Variants in CLCN2 observed in about 807,000 individuals in gnomAD.
The protein encoded by CLCN2 is chloride voltage-gated channel 2.
A neutral mutation model predicts 108.3 loss-of-function variants in CLCN2; 72 were observed. That is an observed-to-expected ratio of 0.66 (90% CI 0.55 to 0.81). The LOEUF (loss-of-function observed/expected upper bound fraction) is 0.81. Ranked by LOEUF, CLCN2 falls within the 30% of genes least tolerant of loss-of-function variation. The pLI is 0.00. For missense variants in CLCN2, 1,048 were observed against 1,205.2 expected (o/e 0.87, Z 1.93); for synonymous variants, 471 against 467.1 (o/e 1.01, Z -0.11).
In CLCN2 at chr3:184,357,956, A is replaced by T; in HGVS notation, c.615+6T>A. On this transcript the variant is annotated splice_donor_region_variant and intron_variant, in intron 5 of 23. Coordinates refer to ENST00000265593, the MANE Select transcript of CLCN2 (RefSeq NM_004366.6). The stretch of plus-strand genomic sequence containing the variant: ...GGGACTCCTTCATTCCCCAGCCTGC[A>T]GTTACCTCTTTGCCAAGCGGCATCC... 6.2e-7 allele frequency: 1 copy of T among 1,613,978 alleles called. No homozygotes were observed. The highest frequency in any genetic ancestry group is 8.5e-7 in the Non-Finnish European group (1 of 1,180,036).
At chr3:184,356,086 C>T in intron 10 of CLCN2, 1 of 412,518 alleles carries the variant, frequency 2.4e-6, no homozygotes, top group Non-Finnish European at 4.6e-6. Context: ...CCACCCTCCA[C>T]CCTCAGAAGC....
chr3:184,353,433 C>T lies in CLCN2; in HGVS notation c.1856-11G>A, dbSNP rs200595019. 10 of 1,599,550 alleles carry T rather than the reference C, an allele frequency of 6.3e-6. No individual in the cohort carries two copies. The highest frequency in any genetic ancestry group is 7.7e-6 in the Non-Finnish European group (9 of 1,172,860). On this transcript the variant is annotated splice_polypyrimidine_tract_variant and intron_variant, in intron 16 of 23. Coordinates refer to ENST00000265593, the MANE Select transcript of CLCN2 (RefSeq NM_004366.6). ...GCAGAATCATGGACTCTGGACAGAA[C>T]AGGTGGAAGGACTCAGGAGCTGAGA...
intron 6 of CLCN2, 27 bp downstream of exon 6, chr3:184,357,752 C>G: frequency 6.2e-7 from 1 of 1,613,978 alleles, no homozygotes; most frequent in Non-Finnish European, 8.5e-7. Context: ...AGCCTCTGCC[C>G]CCTACTTGCC....
At chr3:184,359,220 C>A in intron 1 of CLCN2, 89 bp from the exon 2 acceptor site, 1 of 1,479,210 alleles carries the variant, frequency 6.8e-7, no homozygotes, top group Non-Finnish European at 9.4e-7. Context: ...TCCTCTTCTC[C>A]CAGCCCCCAC....
rs778014861 is a variant in CLCN2 at position 184,346,909 on chromosome 3, A to T, written c.2502+26T>A. The T allele has an allele frequency of 1.2e-6, 2 of 1,611,806 alleles. No individual in the cohort carries two copies. Among genetic ancestry groups the T allele is most frequent in the Admixed American group, 1.7e-5 (1 of 60,030 alleles). The stretch of plus-strand genomic sequence containing the variant: ...CTCCATGACTTTTTGGAAGTGGAGC[A>T]GCTTTGGAGGCCACCATCACCTCAC... On this transcript the variant is annotated intron_variant, in intron 23 of 23. Transcript: ENST00000265593. The surrounding 1 kb of genome is among the most constrained non-coding windows in gnomAD (Gnocchi z 6.0).
rs1357459412 is a variant in CLCN2, at chr3:184,346,670, G to C, written c.2633C>G (p.Pro878Arg). The change falls in exon 24 of 24, where the codon CCC becomes CGC. Residue 878 changes from proline to arginine, a missense_variant. Pro to Arg is a moderately radical substitution (Grantham distance 103, BLOSUM62 -2). Transcript: ENST00000265593. The surrounding 1 kb of genome is among the most constrained non-coding windows in gnomAD (Gnocchi z 6.0). ...ETTEVHALWG[P>R]HSRHGLPREG... The stretch of plus-strand genomic sequence containing the variant: ...CCGGGGGAGGCCATGACGGGAGTGG[G>C]GCCCCCAGAGTGCATGCACCTCAGT... The C allele has an allele frequency of 6.2e-7, 1 of 1,614,076 alleles. No homozygotes were observed. Among genetic ancestry groups the C allele is most frequent in the Admixed American group, 1.7e-5 (1 of 60,012 alleles).
chr3:184,352,567 A>G, intron 19 of CLCN2, 71 bp from the exon 20 acceptor site: 1 of 1,539,686 alleles, frequency 6.5e-7, no homozygotes, highest in South Asian at 1.1e-5. Context: ...GGTGAGGGGA[A>G]GTGGTGGAGC....
chr3:184,358,670 T>C lies in CLCN2; in HGVS notation c.352+12A>G. The C allele has an allele frequency of 6.4e-7, 1 of 1,566,772 alleles. No homozygotes were observed. The highest frequency in any genetic ancestry group is 2.4e-5 in the East Asian group (1 of 42,388). ...TATTCCCAGTCCTCCCCCTGCCAGC[T>C]GTCACCCTCACCTTGCAGACAGGCA... On this transcript the variant is annotated intron_variant, in intron 3 of 23. Coordinates refer to ENST00000265593, the MANE Select transcript of CLCN2 (RefSeq NM_004366.6).
chr3:184,357,723 G>C (rs748964500), intron 6 of CLCN2, 25 bp from the exon 7 acceptor site: 3 of 1,613,974 alleles, frequency 1.9e-6, no homozygotes, highest in Admixed American at 1.7e-5. Flanking sequence ...GGCAAGAGGG[G>C]GTCAGCTGTG....
At chr3:184,353,947 G>T in intron 15 of CLCN2, 152 bp from the exon 16 acceptor site, 2 of 1,400,236 alleles carry the variant, frequency 1.4e-6, no homozygotes, top group Non-Finnish European at 2.0e-6. Context: ...TTTCTGAACA[G>T]CAGGGGCCAG....
Position 184,355,758 on chromosome 3 carries a change from A to G in CLCN2, c.1106T>C (p.Leu369Pro). 1 of 1,614,226 alleles carries G rather than the reference A, an allele frequency of 6.2e-7. No individual in the cohort carries two copies. Among genetic ancestry groups the G allele is most frequent in the South Asian group, 1.1e-5 (1 of 91,084 alleles). Residue 369 changes from leucine to proline, a missense_variant, in exon 11 of 24, where the codon CTG (leucine) becomes CCG (proline). Transcript: ENST00000265593. The surrounding 1 kb of genome is among the most constrained non-coding windows in gnomAD (Gnocchi z 6.3). ...LMRKRLLFPA[L>P]VTLLISTLTF... ...CAGCGTGGAGATGAGCAGGGTCACC[A>G]GAGCCGGGAAGAGCAGGCGTCTAGA...
rs115641401 is a variant in CLCN2, at chr3:184,349,852, G to A, written c.2415+2161C>T. Among the ~76,000 whole-genome samples, 689 of 152,228 alleles carry A rather than the reference G, an allele frequency of 4.5e-3. 4 individuals carry two copies. The highest frequency in any genetic ancestry group is 0.013 in the African/African-American group (558 of 41,534). On this transcript the variant is annotated intron_variant, in intron 22 of 23. Coordinates refer to ENST00000265593, the MANE Select transcript of CLCN2 (RefSeq NM_004366.6). Reference sequence around the variant, plus strand: ...AGTTGGTCTGGCCCTAGCTGTGGCCGCCACTCTGGCCTTTACCATTGCTTC... The same window carrying A: ...AGTTGGTCTGGCCCTAGCTGTGGCCACCACTCTGGCCTTTACCATTGCTTC...
At chr3:184,352,413 C>T (rs1364576632) in intron 20 of CLCN2, 30 bp downstream of exon 20, 1 of 1,612,962 alleles carries the variant, frequency 6.2e-7, no homozygotes, top group East Asian at 2.2e-5. Context: ...CCCGGTGCCG[C>T]CGAGATGCTA....
chr3:184,357,306 G>C (rs1305780862), intron 8 of CLCN2, 40 bp from the exon 9 acceptor site: 1 of 1,613,828 alleles, frequency 6.2e-7, no homozygotes, highest in African/African-American at 1.3e-5. Flanking sequence ...GCCTAGCCTC[G>C]TGGGCCCCCT....
chr3:184,357,635 C>CT lies in CLCN2; in HGVS notation c.756_757insA (p.Ala253SerfsTer47). ...CCCTGCCTACCTCCAATAGGTGCCG[C>CT]GAAGCAGCAGCCCACCCCCACGGCA... is the stretch of plus-strand genomic sequence containing the variant. On this transcript the variant is annotated frameshift_variant, in exon 7 of 24. Coordinates refer to ENST00000265593, the MANE Select transcript of CLCN2 (RefSeq NM_004366.6). LOFTEE classifies it high-confidence loss of function. The CT allele has an allele frequency of 6.2e-7, 1 of 1,613,994 alleles. No individual in the cohort carries two copies. The highest frequency in any genetic ancestry group is 1.3e-5 in the African/African-American group (1 of 75,060).
Position 184,355,671 on chromosome 3 carries a change from ACTC to A in CLCN2, c.1170+20_1170+22del, listed in dbSNP as rs1404655567. On this transcript the variant is annotated intron_variant, in intron 11 of 23. Coordinates refer to ENST00000265593, the MANE Select transcript of CLCN2 (RefSeq NM_004366.6). The surrounding 1 kb of genome is among the most constrained non-coding windows in gnomAD (Gnocchi z 6.3). ...AATGCCTTCCAAGGGAAAGCACAAA[ACTC>A]CTGTTCTGCCTGTGGTTACCTGTCC... The A allele has an allele frequency of 1.2e-6, 2 of 1,612,662 alleles. No homozygotes were observed. Among genetic ancestry groups the A allele is most frequent in the South Asian group, 2.2e-5 (2 of 91,022 alleles).
Position 184,353,237 on chromosome 3 carries a change from C to A in CLCN2, c.2028+13G>T, listed in dbSNP as rs757158886. The A allele has an allele frequency of 5.6e-6, 9 of 1,614,012 alleles. No homozygotes were observed. In the African/African-American group the frequency reaches 1.2e-4, roughly 22 times the overall value. On this transcript the variant is annotated intron_variant, in intron 17 of 23. Transcript: ENST00000265593. ...AATGACATTTAGGAAGCGTTTGTGG[C>A]TTTTCCCCTCACCTGGAAGCAGACA...
rs1728491400 is a variant in CLCN2, at chr3:184,355,624, C to A, written c.1170+70G>T. ...GGGAACAAGGGGTCCCACAGTCACA[C>A]TGGGGCTGTTGGCTTTGGAGGAATG... On this transcript the variant is annotated intron_variant, in intron 11 of 23. Transcript: ENST00000265593. This position sits in a 1 kb window ranked among gnomAD's most constrained non-coding sequence, Gnocchi z 6.3. 3.7e-6 allele frequency: 6 copies of A among 1,600,510 alleles called. No individual in the cohort carries two copies. In the Admixed American group the frequency reaches 6.7e-5, roughly 18 times the overall value.
chr3:184,351,617 A>G (rs1014308231), intron 22 of CLCN2, among the ~76,000 whole-genome samples: 2 of 151,826 alleles, frequency 1.3e-5, no homozygotes, highest in African/African-American at 2.4e-5. Flanking sequence ...TGTTTATTGC[A>G]TTTTCTTATC....
Sources: gnomAD v4.1 joint callset for allele counts (sites outside exome capture counted in the v4.1 genomes callset) on GRCh38, gnomAD v4.1.1 for gene constraint, Gnocchi (gnomAD v3.1) non-coding constraint, MANE v1.5 for transcripts, NCBI Gene and HGNC (gene_info 2026-07-23, HGNC 2026-07-21) for gene names.